Variants in FBXO21 observed in about 807,000 individuals in gnomAD.
FBXO21 encodes F-box protein 21.
Under a neutral mutation model 76.6 loss-of-function variants are expected in FBXO21, and 32 were observed. That is an observed-to-expected ratio of 0.42 (90% CI 0.32 to 0.56). The LOEUF (loss-of-function observed/expected upper bound fraction) is 0.56, where lower values mean the gene tolerates loss of function less well. FBXO21 is among the 20% of genes least tolerant of loss of function. The pLI, the probability that FBXO21 is intolerant of heterozygous loss-of-function variation, is 0.16. For synonymous variants in FBXO21, 328 were observed against 311.5 expected (o/e 1.05, Z -0.56); for missense variants, 586 against 797.3 (o/e 0.73, Z 3.19).
chr12:117,151,409 T>C (rs1029219048), intron 11 of FBXO21, among the ~76,000 whole-genome samples: 3 of 152,182 alleles, frequency 2.0e-5, no homozygotes, highest in African/African-American at 7.2e-5. Context: ...TATTTGAAGA[T>C]GTCATATATG....
chr12:117,158,834 A>G (rs1478987556), intron 9 of FBXO21, among the ~76,000 whole-genome samples: 1 of 152,238 alleles, frequency 6.6e-6, no homozygotes, highest in African/African-American at 2.4e-5. Flanking sequence ...TCTACTGCAC[A>G]CAGTGCCTCT....
At chr12:117,178,711 T>C (rs941776678) in intron 3 of FBXO21, among the ~76,000 whole-genome samples, 1 of 152,014 alleles carries the variant, frequency 6.6e-6, no homozygotes, top group Non-Finnish European at 1.5e-5. Context: ...TGCAGTCTGT[T>C]CTCACCTTCT....
At chr12:117,147,289 GGA>G (rs1955783628) in intron 11 of FBXO21, among the ~76,000 whole-genome samples, 1 of 79,296 alleles carries the variant, frequency 1.3e-5, no homozygotes, top group African/African-American at 5.6e-5. Context: ...CTGAAAAAAT[GGA>G]AAAAAAAAAA....
intron 9 of FBXO21, among the ~76,000 whole-genome samples, chr12:117,159,625 A>G (rs570784029): frequency 2.2e-4 from 33 of 152,282 alleles, no homozygotes; most frequent in African/African-American, 7.5e-4. Context: ...GGTGCTTTTA[A>G]TTGTGGGACA....
intron 9 of FBXO21, among the ~76,000 whole-genome samples, chr12:117,159,614 G>A (rs1955955188): frequency 1.3e-5 from 2 of 152,112 alleles, no homozygotes; most frequent in Admixed American, 1.3e-4. Flanking sequence ...ACCTCCAGCC[G>A]GGTGCTTTTA....
chr12:117,181,672 CAG>C (rs1475955673), intron 3 of FBXO21, among the ~76,000 whole-genome samples: 4 of 151,816 alleles, frequency 2.6e-5, no homozygotes, highest in Non-Finnish European at 5.9e-5. Context: ...CTATCTGAGA[CAG>C]AGTCTCACTT....
In FBXO21 at chr12:117,143,335, A is replaced by T. The variant is rs183599993; in HGVS notation, c.*2752T>A. 1 of 152,270 alleles carries T rather than the reference A, an allele frequency of 6.6e-6. No individual in the cohort carries two copies. Among genetic ancestry groups the T allele is most frequent in the African/African-American group, 2.4e-5 (1 of 41,550 alleles). 9.4% of individuals were successfully genotyped at this position (152,270 alleles called of 1,614,324 possible). A position where few individuals can be genotyped will look rare whatever the true frequency, so the allele number is the denominator to read the frequency against. Reference sequence around the variant, plus strand: ...CAGGTATTGAGAAACACCACCATAGAGTCAATTGACTTTGTTTAACCTATA... The same window carrying T: ...CAGGTATTGAGAAACACCACCATAGTGTCAATTGACTTTGTTTAACCTATA... On this transcript the variant is annotated 3_prime_UTR_variant, in exon 12 of 12. Coordinates refer to ENST00000622495, the MANE Select transcript of FBXO21 (RefSeq NM_015002.3).
chr12:117,178,861 A>G (rs1226921010), intron 3 of FBXO21, among the ~76,000 whole-genome samples: 3 of 152,104 alleles, frequency 2.0e-5, no homozygotes, highest in Non-Finnish European at 4.4e-5. Flanking sequence ...CCAATTTCTT[A>G]GTGCCCATCT....
In FBXO21 at chr12:117,144,599, T is replaced by A. The variant is rs572662151; in HGVS notation, c.*1488A>T. The A allele has an allele frequency of 2.6e-5, 4 of 152,316 alleles. No homozygotes were observed. The South Asian group carries it at 8.3e-4, about 32-fold the overall frequency. The allele number at this position is 152,316 out of a possible 1,614,324, so 9.4% of individuals were successfully genotyped here. A position where few individuals can be genotyped will look rare whatever the true frequency, so the allele number is the denominator to read the frequency against. ...TACTGCATGCAGATGGACAGACAGG[T>A]GCAGAGACAGGCCCCTAACGCCCCA... On this transcript the variant is annotated 3_prime_UTR_variant, in exon 12 of 12. Transcript: ENST00000622495.
At chr12:117,154,499 A>G (rs1368736449) in intron 11 of FBXO21, among the ~76,000 whole-genome samples, 27 of 152,056 alleles carry the variant, frequency 1.8e-4, no homozygotes, top group Admixed American at 1.8e-3. Context: ...GATCCTCCCA[A>G]CCCAGCTTCC....
intron 7 of FBXO21, among the ~76,000 whole-genome samples, chr12:117,169,859 G>A (rs1161709452): frequency 6.6e-6 from 1 of 152,080 alleles, no homozygotes; most frequent in Non-Finnish European, 1.5e-5. Flanking sequence ...AAGAGTCCCT[G>A]CTATCTTTGT....
intron 8 of FBXO21, 26 bp from the exon 9 acceptor site, chr12:117,165,643 C>G (rs1171375965): frequency 6.5e-7 from 1 of 1,546,154 alleles, no homozygotes; most frequent in South Asian, 1.2e-5. Flanking sequence ...CAATGTTTGT[C>G]TCATCCTGCT....
chr12:117,149,630 C>T (rs777639188), intron 11 of FBXO21, among the ~76,000 whole-genome samples: 3 of 152,194 alleles, frequency 2.0e-5, no homozygotes, highest in African/African-American at 4.8e-5. Flanking sequence ...TACCCTACAA[C>T]GCACAGGACG....
intron 11 of FBXO21, among the ~76,000 whole-genome samples, chr12:117,153,975 T>C (rs1167884803): frequency 6.6e-6 from 1 of 152,192 alleles, no homozygotes; most frequent in Non-Finnish European, 1.5e-5. Flanking sequence ...AACCAAATAC[T>C]TAAGACCAAC....
rs758974861 is a variant in FBXO21 at position 117,146,284 on chromosome 12, G to A, written c.1676-7C>T. 1.3e-6 allele frequency: 2 copies of A among 1,599,144 alleles called. No homozygotes were observed. The highest frequency in any genetic ancestry group is 1.1e-5 in the South Asian group (1 of 88,292). ...ACGTTATATTCCAAGTTTTCTGTTG[G>A]TAAAGAGGCACACGGGCATTCTCAT... On this transcript the variant is annotated splice_region_variant and splice_polypyrimidine_tract_variant and intron_variant, in intron 11 of 11. Transcript: ENST00000622495.
In FBXO21 at chr12:117,165,613, C is replaced by T; in HGVS notation, c.1198G>A (p.Gly400Ser). ...GNLLSLGKRE[G>S]IDQSYQLLRD... ...AGGAGCTGGTATGACTGGTCGATGC[C>T]TTCCCTAGCAGAGGAAAAACAATGT... Residue 400 changes from glycine to serine, a missense_variant, in exon 9 of 12, where the codon GGC (glycine) becomes AGC (serine). Around this residue, in one of 6 missense-constraint regions of FBXO21, gnomAD observed 9 missense variants for 40.6 expected, o/e 0.22. Coordinates refer to ENST00000622495, the MANE Select transcript of FBXO21 (RefSeq NM_015002.3). 6.2e-7 allele frequency: 1 copy of T among 1,603,428 alleles called. No homozygotes were observed. Among genetic ancestry groups the T allele is most frequent in the South Asian group, 1.1e-5 (1 of 89,730 alleles).
chr12:117,161,480 A>C (rs7952951), intron 9 of FBXO21, among the ~76,000 whole-genome samples: 3,718 of 152,010 alleles, frequency 0.024, 160 homozygotes, highest in African/African-American at 0.085. Flanking sequence ...GAAGGGACCT[A>C]ATTGATATTT....
intron 8 of FBXO21, 88 bp downstream of exon 8, chr12:117,166,810 G>T: frequency 1.7e-6 from 2 of 1,169,358 alleles, no homozygotes; most frequent in East Asian, 4.7e-5. Context: ...AGATCTCAAC[G>T]AAAAGTCACT....
chr12:117,188,334 C>T (rs2135890803), intron 2 of FBXO21, among the ~76,000 whole-genome samples: 2 of 152,266 alleles, frequency 1.3e-5, no homozygotes, highest in South Asian at 4.2e-4. Flanking sequence ...CACTTGAGAC[C>T]AGGTGTTCAA....
Sources: allele counts gnomAD v4.1 joint callset (sites outside exome capture counted in the v4.1 genomes callset), GRCh38; gene constraint gnomAD v4.1.1; regional missense constraint gnomAD v4.1.1; transcripts MANE v1.5; gene names NCBI Gene and HGNC (gene_info 2026-07-23, HGNC 2026-07-21).